Variants in NKAIN3 observed in about 807,000 individuals in gnomAD.
NKAIN3 encodes the protein sodium/potassium transporting ATPase interacting 3.
A neutral mutation model predicts 30.2 loss-of-function variants in NKAIN3; 25 were observed. The observed-to-expected ratio is 0.83, with a 90% CI of 0.60 to 1.16. The LOEUF (loss-of-function observed/expected upper bound fraction) is 1.16. NKAIN3 is among the 50% of genes most tolerant of loss of function. The pLI, the probability that NKAIN3 is intolerant of heterozygous loss-of-function variation, is 0.00. For missense variants in NKAIN3, 225 were observed against 254.1 expected (o/e 0.89, Z 0.78); for synonymous variants, 91 against 89.6 (o/e 1.02, Z -0.09).
chr8:62,616,415 G>A (rs1811454889), intron 3 of NKAIN3, among the ~76,000 whole-genome samples: 1 of 152,096 alleles, frequency 6.6e-6, no homozygotes, highest in African/African-American at 2.4e-5. Context: ...AAAGCACTTT[G>A]CTAAAGATTA....
intron 4 of NKAIN3, among the ~76,000 whole-genome samples, chr8:62,884,894 A>G (rs961019702): frequency 2.6e-5 from 4 of 151,544 alleles, no homozygotes; most frequent in African/African-American, 9.7e-5. Context: ...AGGTGTATCA[A>G]TGTTATTGAT....
At chr8:62,837,029 G>A (rs1338038692) in intron 4 of NKAIN3, among the ~76,000 whole-genome samples, 3 of 152,134 alleles carry the variant, frequency 2.0e-5, no homozygotes, top group Non-Finnish European at 1.5e-5. Context: ...TAGACTCAGT[G>A]TCCTGCCTCT....
intron 3 of NKAIN3, among the ~76,000 whole-genome samples, chr8:62,721,974 G>T (rs1346456715): frequency 2.0e-5 from 3 of 152,160 alleles, no homozygotes; most frequent in Non-Finnish European, 4.4e-5. Flanking sequence ...CATGGCTAGA[G>T]ACAGGTCTGT....
intron 4 of NKAIN3, among the ~76,000 whole-genome samples, chr8:62,806,419 CAT>C (rs1442404193): frequency 6.6e-6 from 1 of 152,092 alleles, no homozygotes; most frequent in Middle Eastern, 3.2e-3. Flanking sequence ...GTGCAACAAT[CAT>C]AGACTGGATT....
At chr8:62,905,682 G>A (rs926009328) in intron 4 of NKAIN3, among the ~76,000 whole-genome samples, 6 of 152,038 alleles carry the variant, frequency 3.9e-5, no homozygotes, top group Admixed American at 1.3e-4. Flanking sequence ...AGTGTTCAAC[G>A]CTCACTCATT....
intron 1 of NKAIN3, among the ~76,000 whole-genome samples, chr8:62,546,006 G>T (rs1808998705): frequency 6.6e-6 from 1 of 152,054 alleles, no homozygotes; most frequent in Non-Finnish European, 1.5e-5. Context: ...AAAAATACTG[G>T]TTTTTATTTT....
In NKAIN3 at chr8:62,783,605, C is replaced by CTTTTT. The variant is rs386412917; in HGVS notation, c.471+36492_471+36496dup. ...TTAACAGCAGAAACAGCAGAATACA[C>CTTTTT]TTTTTTTTTTTTTTTTTTTTGAGAC... On this transcript the variant is annotated intron_variant, in intron 4 of 6. Coordinates refer to ENST00000623646, the MANE Select transcript of NKAIN3 (RefSeq NM_001304533.3). 1.3e-4 allele frequency among the ~76,000 whole-genome samples: 16 copies of CTTTTT among 121,420 alleles called. 2 individuals are homozygous for CTTTTT. Among genetic ancestry groups the CTTTTT allele is most frequent in the East Asian group, 2.4e-4 (1 of 4,254 alleles). The allele number at this position is 121,420 out of a possible 152,430, so 79.7% of individuals were successfully genotyped here.
At chr8:62,376,193 T>C (rs1425437132) in intron 1 of NKAIN3, among the ~76,000 whole-genome samples, 1 of 152,336 alleles carries the variant, frequency 6.6e-6, no homozygotes, top group African/African-American at 2.4e-5. Flanking sequence ...CCTGAATCTA[T>C]GTGCTCTATG....
chr8:62,671,256 G>A (rs989494228), intron 3 of NKAIN3, among the ~76,000 whole-genome samples: 2 of 151,880 alleles, frequency 1.3e-5, no homozygotes, highest in Admixed American at 1.3e-4. Context: ...ACATGACAAC[G>A]TTTTCCTTTG....
chr8:62,829,242 GTGT>G (rs1178708788), intron 4 of NKAIN3, among the ~76,000 whole-genome samples: 1 of 152,182 alleles, frequency 6.6e-6, no homozygotes, highest in African/African-American at 2.4e-5. Flanking sequence ...ATGATCTGAA[GTGT>G]TGTGAAAAAT....
chr8:62,947,338 T>C (rs1337502021), intron 5 of NKAIN3, among the ~76,000 whole-genome samples: 1 of 152,192 alleles, frequency 6.6e-6, no homozygotes, highest in African/African-American at 2.4e-5. Context: ...GAAACAAACA[T>C]GAATTAAAGT....
intron 3 of NKAIN3, among the ~76,000 whole-genome samples, chr8:62,680,395 A>T (rs1259840756): frequency 6.6e-6 from 1 of 152,198 alleles, no homozygotes; most frequent in Non-Finnish European, 1.5e-5. Context: ...GTTTTAAACC[A>T]TTGAAATTAT....
rs534833321 is a variant in NKAIN3, at chr8:62,973,616, C to T, written c.*8209C>T. 2.6e-5 allele frequency among the ~76,000 whole-genome samples: 4 copies of T among 152,028 alleles called. No homozygotes were observed. In the South Asian group the frequency reaches 6.3e-4, roughly 24 times the overall value. On this transcript the variant is annotated 3_prime_UTR_variant, in exon 7 of 7. Transcript: ENST00000623646. ...AAATTTTCTCCCATTCTGTAGGTTG[C>T]CTGTTCACTCTGATAATAGTTTCTT...
At chr8:62,803,438 C>A (rs1168789910) in intron 4 of NKAIN3, among the ~76,000 whole-genome samples, 1 of 152,138 alleles carries the variant, frequency 6.6e-6, no homozygotes, top group Non-Finnish European at 1.5e-5. Flanking sequence ...TGCAATCAAA[C>A]TAGAACTCAG....
chr8:62,319,967 A>G (rs1005154925), intron 1 of NKAIN3, among the ~76,000 whole-genome samples: 10 of 152,100 alleles, frequency 6.6e-5, no homozygotes, highest in Admixed American at 3.9e-4. Flanking sequence ...GTGGTAGTCT[A>G]AGTCTCTTTG....
At chr8:62,552,723 C>T (rs1809254145) in intron 1 of NKAIN3, among the ~76,000 whole-genome samples, 1 of 152,090 alleles carries the variant, frequency 6.6e-6, no homozygotes, top group Non-Finnish European at 1.5e-5. Context: ...AAGTTCTGGC[C>T]CTGAGAAAGC....
At chr8:62,890,847 G>A (rs921134844) in intron 4 of NKAIN3, among the ~76,000 whole-genome samples, 9 of 152,146 alleles carry the variant, frequency 5.9e-5, no homozygotes, top group South Asian at 4.1e-4. Context: ...AAGTCCTTCC[G>A]CACCATTTGC....
At chr8:62,261,580 G>A (rs758697450) in intron 1 of NKAIN3, among the ~76,000 whole-genome samples, 4 of 152,210 alleles carry the variant, frequency 2.6e-5, no homozygotes, top group Admixed American at 2.6e-4. Flanking sequence ...AGGATGTCAA[G>A]TAATCAATGG....
Position 62,362,328 on chromosome 8 carries a change from C to T in NKAIN3, c.54+113201C>T, listed in dbSNP as rs537947585. Among the ~76,000 whole-genome samples, 3 of 11,744 alleles carry T rather than the reference C, an allele frequency of 2.6e-4. No individual in the cohort carries two copies. In the East Asian group the frequency reaches 0.024, roughly 93 times the overall value. The allele number at this position is 11,744 out of a possible 152,430, so 7.7% of individuals were successfully genotyped here. A position where few individuals can be genotyped will look rare whatever the true frequency, so the allele number is the denominator to read the frequency against. On this transcript the variant is annotated intron_variant, in intron 1 of 6. Transcript: ENST00000623646. ...ATAATGGTTTCAGGCATTTTGAAAG[C>T]TGGGCATGTATCATCAGCTCATGCC...
Sources: gnomAD v4.1 joint callset for allele counts (sites outside exome capture counted in the v4.1 genomes callset) on GRCh38, gnomAD v4.1.1 for gene constraint, MANE v1.5 for transcripts, NCBI Gene and HGNC (gene_info 2026-07-23, HGNC 2026-07-21) for gene names.